Variants in TTLL11 observed in about 807,000 individuals in gnomAD.
TTLL11 encodes the protein tubulin tyrosine ligase like 11.
A neutral mutation model predicts 51.7 loss-of-function variants in TTLL11; 42 were observed. The ratio of observed to expected loss-of-function variants is 0.81; its 90% CI spans 0.64 to 1.05. The LOEUF (loss-of-function observed/expected upper bound fraction) is 1.05. Ranked by LOEUF, TTLL11 falls within the 50% of genes least tolerant of loss-of-function variation. The pLI is 0.00. For missense variants in TTLL11, 799 were observed against 940.4 expected (o/e 0.85, Z 1.97); for synonymous variants, 381 against 383.5 (o/e 0.99, Z 0.08).
At chr9:122,074,640 A>T (rs983573570) in intron 1 of TTLL11, among the ~76,000 whole-genome samples, 3 of 151,720 alleles carry the variant, frequency 2.0e-5, no homozygotes, top group Non-Finnish European at 4.4e-5. Context: ...TGTGGCTCAC[A>T]CCTACAATCC....
At chr9:121,907,194 T>C (rs1839976763) in intron 6 of TTLL11, among the ~76,000 whole-genome samples, 1 of 152,032 alleles carries the variant, frequency 6.6e-6, no homozygotes. Context: ...TGCTGGGAAC[T>C]AGAGACACAA....
At chr9:122,058,696 C>G (rs1331779463) in intron 1 of TTLL11, among the ~76,000 whole-genome samples, 1 of 152,148 alleles carries the variant, frequency 6.6e-6, no homozygotes, top group Non-Finnish European at 1.5e-5. Context: ...CTATAAGTTC[C>G]AAATCTTCTC....
chr9:121,832,218 T>C (rs1837039030), intron 8 of TTLL11, among the ~76,000 whole-genome samples: 2 of 152,140 alleles, frequency 1.3e-5, no homozygotes. Context: ...AACCCTCAGT[T>C]CTGCTGAGGT....
At chr9:121,881,039 A>G (rs1257372731) in intron 6 of TTLL11, among the ~76,000 whole-genome samples, 1 of 152,218 alleles carries the variant, frequency 6.6e-6, no homozygotes, top group East Asian at 1.9e-4. Flanking sequence ...CTACCCTGGA[A>G]GAACAAAAAT....
chr9:121,967,901 C>A (rs1197446083), intron 6 of TTLL11, among the ~76,000 whole-genome samples: 1 of 152,144 alleles, frequency 6.6e-6, no homozygotes. Context: ...CAAAAGACTG[C>A]ATAGGGTATG....
chr9:122,060,389 A>G (rs1386826217), intron 1 of TTLL11, among the ~76,000 whole-genome samples: 1 of 152,182 alleles, frequency 6.6e-6, no homozygotes, highest in East Asian at 1.9e-4. Context: ...GCTCTAGGAG[A>G]AAAGGTTAGC....
At chr9:121,871,572 T>C (rs1377045005) in intron 6 of TTLL11, among the ~76,000 whole-genome samples, 1 of 152,218 alleles carries the variant, frequency 6.6e-6, no homozygotes, top group Non-Finnish European at 1.5e-5. Context: ...CTCCTGCCTC[T>C]GGCTTTGCCC....
At chr9:121,881,216 T>A (rs963085439) in intron 6 of TTLL11, among the ~76,000 whole-genome samples, 1 of 152,356 alleles carries the variant, frequency 6.6e-6, no homozygotes, top group Middle Eastern at 3.4e-3. Flanking sequence ...AGTGCCTATC[T>A]GCAACACAAA....
chr9:121,979,880 T>C (rs1350610900), intron 4 of TTLL11, among the ~76,000 whole-genome samples: 4 of 152,066 alleles, frequency 2.6e-5, no homozygotes, highest in Non-Finnish European at 4.4e-5. Context: ...TCTTGGGCTC[T>C]CATTGTGCTG....
intron 7 of TTLL11, among the ~76,000 whole-genome samples, chr9:121,870,131 T>C (rs1423504064): frequency 6.6e-6 from 1 of 152,218 alleles, no homozygotes; most frequent in Non-Finnish European, 1.5e-5. Flanking sequence ...TGTTGTGGCT[T>C]CACGAACGCC....
At chr9:121,951,041 G>A (rs1270616220) in intron 6 of TTLL11, among the ~76,000 whole-genome samples, 1 of 152,196 alleles carries the variant, frequency 6.6e-6, no homozygotes, top group Non-Finnish European at 1.5e-5. Flanking sequence ...TGCCAGGGCT[G>A]CCTCTGGCAC....
At chr9:122,048,718 C>G (rs950498244) in intron 1 of TTLL11, among the ~76,000 whole-genome samples, 1 of 152,186 alleles carries the variant, frequency 6.6e-6, no homozygotes, top group Admixed American at 6.5e-5. Context: ...GCCTGGGTTT[C>G]TTCATGTCAT....
intron 6 of TTLL11, among the ~76,000 whole-genome samples, chr9:121,876,906 G>A (rs974467372): frequency 6.6e-6 from 1 of 152,212 alleles, no homozygotes; most frequent in African/African-American, 2.4e-5. Flanking sequence ...TACGGGCTAA[G>A]GTCTAAGAAT....
intron 6 of TTLL11, among the ~76,000 whole-genome samples, chr9:121,959,509 T>A (rs548847840): frequency 1.3e-5 from 2 of 152,284 alleles, no homozygotes; most frequent in South Asian, 4.2e-4. Flanking sequence ...CCTGGGCCCC[T>A]TTCTTGGTTC....
intron 1 of TTLL11, among the ~76,000 whole-genome samples, chr9:122,092,235 G>A (rs1052136936): frequency 6.6e-6 from 1 of 152,190 alleles, no homozygotes. Context: ...GCAAAGTGTA[G>A]TGAGACCCTA....
Position 122,039,849 on chromosome 9 carries a change from C to T in TTLL11, c.463-481G>A, listed in dbSNP as rs182355447. Among the ~76,000 whole-genome samples, 4 of 151,966 alleles carry T rather than the reference C, an allele frequency of 2.6e-5. No homozygotes were observed. The East Asian group carries it at 5.8e-4, about 22-fold the overall frequency. Reference sequence around the variant, plus strand: ...GCCCAAAAGAATAAGCTTTCAGAGTCCCTCTTCCCTTATCTCTCTCTCTCT... The same window carrying T: ...GCCCAAAAGAATAAGCTTTCAGAGTTCCTCTTCCCTTATCTCTCTCTCTCT... On this transcript the variant is annotated intron_variant, in intron 1 of 8. Transcript: ENST00000321582.
intron 8 of TTLL11, among the ~76,000 whole-genome samples, chr9:121,834,829 GAAAA>G (rs201992639): frequency 7.1e-6 from 1 of 141,146 alleles, no homozygotes; most frequent in African/African-American, 2.6e-5. Context: ...TCTGTCTCAG[GAAAA>G]AAAAAAAAAA....
chr9:121,908,077 G>C (rs1047653214), intron 6 of TTLL11, among the ~76,000 whole-genome samples: 5 of 152,162 alleles, frequency 3.3e-5, no homozygotes, highest in Non-Finnish European at 7.3e-5. Context: ...AGGCTATGTG[G>C]GTTCGACACT....
At chr9:122,081,048 TA>T (rs1235297917) in intron 1 of TTLL11, among the ~76,000 whole-genome samples, 1 of 152,200 alleles carries the variant, frequency 6.6e-6, no homozygotes, top group African/African-American at 2.4e-5. Flanking sequence ...GTTTTAAAAA[TA>T]TTTTTTCCAA....
Sources: gnomAD v4.1 joint callset for allele counts (sites outside exome capture counted in the v4.1 genomes callset) on GRCh38, gnomAD v4.1.1 for gene constraint, MANE v1.5 for transcripts, NCBI Gene and HGNC (gene_info 2026-07-23, HGNC 2026-07-21) for gene names.